PRDM11: variants seen among roughly 807,000 people sequenced by gnomAD.
The protein encoded by PRDM11 is PR domain-containing protein 11.
Under a neutral mutation model 97.8 loss-of-function variants are expected in PRDM11, and 20 were observed. That is an observed-to-expected ratio of 0.20 (90% CI 0.14 to 0.30). PRDM11 has a LOEUF of 0.30. Ranked by LOEUF, PRDM11 falls within the 10% of genes least tolerant of loss-of-function variation. PRDM11 has a pLI of 1.00. For missense variants in PRDM11, 1,139 were observed against 1,555.2 expected (o/e 0.73, Z 4.50); for synonymous variants, 599 against 637.7 (o/e 0.94, Z 0.91).
At chr11:45,177,242 T>C (rs1202754080) in intron 1 of PRDM11, among the ~76,000 whole-genome samples, 1 of 152,228 alleles carries the variant, frequency 6.6e-6, no homozygotes, top group African/African-American at 2.4e-5. Context: ...TTCTTTTGGG[T>C]TTGCAGCTCA....
intron 1 of PRDM11, among the ~76,000 whole-genome samples, chr11:45,106,795 G>T (rs1852069368): frequency 6.6e-6 from 1 of 152,214 alleles, no homozygotes. Flanking sequence ...AGGCAGAAAT[G>T]CGTGGCATTT....
Position 45,226,801 on chromosome 11 carries a change from A to G in PRDM11, c.2176A>G (p.Thr726Ala), listed in dbSNP as rs1408508888. 7 of 1,533,816 alleles carry G rather than the reference A, an allele frequency of 4.6e-6. No homozygotes were observed. Among genetic ancestry groups the G allele is most frequent in the Admixed American group, 2.0e-5 (1 of 50,966 alleles). Residue 726 changes from threonine to alanine, a missense_variant, in exon 8 of 8, where the codon ACT becomes GCT. Physicochemically the swap from Thr to Ala is moderately conservative, Grantham distance 58. Transcript: ENST00000683152. ...LGIRLQDEKP[T>A]VGLGVDGANI... Reference sequence around the variant, plus strand: ...CATCCGGTTGCAGGATGAAAAGCCAACTGTTGGCTTGGGTGTAGATGGAGC... The same window carrying G: ...CATCCGGTTGCAGGATGAAAAGCCAGCTGTTGGCTTGGGTGTAGATGGAGC...
At chr11:45,199,090 T>C (rs149963510) in intron 4 of PRDM11, among the ~76,000 whole-genome samples, 1 of 152,348 alleles carries the variant, frequency 6.6e-6, no homozygotes, top group African/African-American at 2.4e-5. Context: ...ATTATTACCA[T>C]GGTCTAAAAT....
At chr11:45,153,923 A>T (rs1393288769) in intron 1 of PRDM11, among the ~76,000 whole-genome samples, 3 of 152,240 alleles carry the variant, frequency 2.0e-5, no homozygotes, top group African/African-American at 7.2e-5. Flanking sequence ...CAGAGAGGTT[A>T]CATGACCAAC....
At chr11:45,121,554 T>C (rs1243320487) in intron 1 of PRDM11, among the ~76,000 whole-genome samples, 1 of 152,138 alleles carries the variant, frequency 6.6e-6, no homozygotes, top group Non-Finnish European at 1.5e-5. Flanking sequence ...CAAAAAACAG[T>C]GAAATACTGA....
chr11:45,156,517 T>C (rs1458073925), intron 1 of PRDM11, among the ~76,000 whole-genome samples: 2 of 152,258 alleles, frequency 1.3e-5, no homozygotes, highest in Non-Finnish European at 2.9e-5. Context: ...GATGGGTGTA[T>C]GGTGAGAGAC....
In PRDM11 at chr11:45,204,609, G is replaced by C. The variant is rs868322088; in HGVS notation, c.487-102G>C. The stretch of plus-strand genomic sequence containing the variant: ...GGTGACATTTCAGGGGGAGGGGGAG[G>C]GAGCAGGTGGGACCAGGCCCTGGGC... On this transcript the variant is annotated intron_variant, in intron 4 of 7. Coordinates refer to ENST00000683152, the MANE Select transcript of PRDM11 (RefSeq NM_001384648.1). 4 of 1,032,112 alleles carry C rather than the reference G, an allele frequency of 3.9e-6. No individual in the cohort carries two copies. The Middle Eastern group carries it at 8.5e-4, about 219-fold the overall frequency. The allele number at this position is 1,032,112 out of a possible 1,614,324, so 63.9% of individuals were successfully genotyped here. A position where few individuals can be genotyped will look rare whatever the true frequency, so the allele number is the denominator to read the frequency against.
At chr11:45,142,456 C>G (rs2135668589), upstream of PRDM11, among the ~76,000 whole-genome samples, 1 of 152,286 alleles carries the variant, frequency 6.6e-6, no homozygotes, top group African/African-American at 2.4e-5. Flanking sequence ...GCCACCTCCT[C>G]AGAGATGCCT....
chr11:45,115,928 C>CAAAAAAAAAAAA (rs1179136677), intron 1 of PRDM11, among the ~76,000 whole-genome samples: 1 of 56,580 alleles, frequency 1.8e-5, no homozygotes, highest in African/African-American at 7.1e-5. Flanking sequence ...AACTCCATCT[C>CAAAAAAAAAAAA]AAAAAAAAAA....
intron 1 of PRDM11, among the ~76,000 whole-genome samples, chr11:45,112,609 T>G (rs1176797695): frequency 6.6e-6 from 1 of 152,222 alleles, no homozygotes; most frequent in Non-Finnish European, 1.5e-5. Flanking sequence ...TATTGTTTTT[T>G]GACTTTTTAA....
rs935005748 is a variant in PRDM11 at position 45,230,107 on chromosome 11, C to A, written c.*1948C>A. ...TAGAATCATTGCTGCTAGTCAATAG[C>A]TTTTCATTATATAAATATATTATAT... On this transcript the variant is annotated 3_prime_UTR_variant, in exon 8 of 8. Transcript: ENST00000683152. The A allele has an allele frequency of 1.3e-5, 2 of 150,210 alleles. No homozygotes were observed. The highest frequency in any genetic ancestry group is 4.9e-5 in the African/African-American group (2 of 41,006). The allele number at this position is 150,210 out of a possible 1,614,324, so 9.3% of individuals were successfully genotyped here.
intron 1 of PRDM11, among the ~76,000 whole-genome samples, chr11:45,158,579 C>G (rs1851856199): frequency 6.6e-6 from 1 of 152,216 alleles, no homozygotes; most frequent in African/African-American, 2.4e-5. Context: ...TGTGTGGAGG[C>G]TCAGGATTAG....
At chr11:45,120,974 A>C (rs1852417889) in intron 1 of PRDM11, among the ~76,000 whole-genome samples, 1 of 152,190 alleles carries the variant, frequency 6.6e-6, no homozygotes, top group Admixed American at 6.5e-5. Flanking sequence ...GTGCAACCTT[A>C]AGGTAGACTG....
chr11:45,099,550 CT>C (rs11450958), intron 1 of PRDM11, among the ~76,000 whole-genome samples: 2,087 of 146,656 alleles, frequency 0.014, 49 homozygotes, highest in African/African-American at 0.049. Flanking sequence ...CTTACACTGC[CT>C]TTTTTTTTTA....
At chr11:45,218,783 T>G (rs888429100) in intron 5 of PRDM11, among the ~76,000 whole-genome samples, 1 of 152,220 alleles carries the variant, frequency 6.6e-6, no homozygotes, top group Non-Finnish European at 1.5e-5. Flanking sequence ...TCTGAGGGTT[T>G]GACAGAACTT....
At chr11:45,134,818 A>G (rs1276974464) in intron 1 of PRDM11, among the ~76,000 whole-genome samples, 1 of 151,972 alleles carries the variant, frequency 6.6e-6, no homozygotes, top group Non-Finnish European at 1.5e-5. Context: ...ATATTAAGGA[A>G]GAACTTGACA....
In PRDM11 at chr11:45,164,245, C is replaced by T. The variant is rs2129679; in HGVS notation, c.-7+17368C>T. Reference sequence around the variant, plus strand: ...GTGGGCAGCGTAAGGTCAGGGAAAGCGCTGGAAGCCTTGCCAACAGCCTGG... The same window carrying T: ...GTGGGCAGCGTAAGGTCAGGGAAAGTGCTGGAAGCCTTGCCAACAGCCTGG... On this transcript the variant is annotated intron_variant, in intron 1 of 7. Coordinates refer to ENST00000683152, the MANE Select transcript of PRDM11 (RefSeq NM_001384648.1). 7.0e-3 allele frequency among the ~76,000 whole-genome samples: 1,059 copies of T among 152,292 alleles called. 16 individuals are homozygous for T. Among genetic ancestry groups the T allele is most frequent in the African/African-American group, 0.024 (1,005 of 41,548 alleles).
chr11:45,188,501 C>T (rs1365655305), intron 4 of PRDM11, among the ~76,000 whole-genome samples: 1 of 152,226 alleles, frequency 6.6e-6, no homozygotes, highest in Admixed American at 6.5e-5. Context: ...CTCTATTCTA[C>T]TCATTCTTCC....
chr11:45,097,591 A>T (rs939273850), intron 1 of PRDM11, among the ~76,000 whole-genome samples: 34 of 152,234 alleles, frequency 2.2e-4, no homozygotes, highest in African/African-American at 8.0e-4. Flanking sequence ...CAGACCATTG[A>T]ACTCTACTGC....
Sources: gnomAD v4.1 joint callset for allele counts (sites outside exome capture counted in the v4.1 genomes callset) on GRCh38, gnomAD v4.1.1 for gene constraint, MANE v1.5 for transcripts, NCBI Gene and HGNC (gene_info 2026-07-23, HGNC 2026-07-21) for gene names.